DNAJC17: variants seen among roughly 807,000 people sequenced by gnomAD.
DNAJC17 encodes the protein DnaJ heat shock protein family (Hsp40) member C17, also known as dnaJ homolog subfamily C member 17.
A neutral mutation model predicts 48.1 loss-of-function variants in DNAJC17; 35 were observed. That is an observed-to-expected ratio of 0.73 (90% confidence interval 0.56 to 0.96). The LOEUF (loss-of-function observed/expected upper bound fraction) is 0.96. Ranked by LOEUF, DNAJC17 falls within the 50% of genes least tolerant of loss-of-function variation. The probability of loss-of-function intolerance (pLI) is 0.00; values close to 1 mark genes in which losing one functional copy is unlikely to be tolerated. For synonymous variants in DNAJC17, 117 were observed against 142.7 expected (o/e 0.82, Z 1.28); for missense variants, 355 against 377.1 (o/e 0.94, Z 0.48).
At position 40,767,971 on chromosome 15, in the gene DNAJC17, T is replaced by G. The variant is rs1191389353; in HGVS notation, c.884A>C (p.Gln295Pro). 5 of 1,612,962 alleles carry G rather than the reference T, an allele frequency of 3.1e-6. No individual in the cohort carries two copies. Among genetic ancestry groups the G allele is most frequent in the Non-Finnish European group, 4.2e-6 (5 of 1,179,666 alleles). The change falls in exon 11 of 11, where the codon CAG becomes CCG. Residue 295 changes from glutamine (Q) to proline (P), a missense_variant. This residue lies in a region of DNAJC17 where 88 missense variants were observed against 67.7 expected (regional missense o/e 1.30). Coordinates refer to ENST00000220496, the MANE Select transcript of DNAJC17 (RefSeq NM_018163.3). ...AERQQLIARM[Q>P]QEDQEGPPT ...AGGCGGCCCCTCCTGGTCTTCCTGC[T>G]GCATCCGTGCGATCAGCTGTTGCCG...
Position 40,788,733 on chromosome 15 carries a change from G to T in DNAJC17, c.79-8736C>A, listed in dbSNP as rs370711378. 1.1e-4 allele frequency among the ~76,000 whole-genome samples: 17 copies of T among 151,992 alleles called. No individual in the cohort carries two copies. In the East Asian group the frequency reaches 2.9e-3, roughly 26 times the overall value. On this transcript the variant is annotated intron_variant, in intron 1 of 10. Transcript: ENST00000220496. ...AAAAAATTTTTTTTTAAATGAGCCA[G>T]GCATGGTGGCATGCACCTGTAGTCC...
At chr15:40,806,465 C>A (rs947833898) in intron 1 of DNAJC17, among the ~76,000 whole-genome samples, 1 of 152,012 alleles carries the variant, frequency 6.6e-6, no homozygotes, top group Non-Finnish European at 1.5e-5. Flanking sequence ...GATCCGCCCG[C>A]CTCGGCCTCC....
At position 40,789,903 on chromosome 15, in the gene DNAJC17, C is replaced by CAAAAAAA. The variant is rs71428311; in HGVS notation, c.79-9913_79-9907dup. ...CCTGGGAGACAGAGACAGACTGTCT[C>CAAAAAAA]AAAAAAAAAAAAAAAAAAAAAAAAA... is the stretch of plus-strand genomic sequence containing the variant. On this transcript the variant is annotated intron_variant, in intron 1 of 10. Coordinates refer to ENST00000220496, the MANE Select transcript of DNAJC17 (RefSeq NM_018163.3). Among the ~76,000 whole-genome samples, 121 of 20,022 alleles carry CAAAAAAA rather than the reference C, an allele frequency of 6.0e-3. 8 individuals carry two copies. Among genetic ancestry groups the CAAAAAAA allele is most frequent in the African/African-American group, 0.01 (56 of 5,548 alleles). The allele number at this position is 20,022 out of a possible 152,430, so 13.1% of individuals were successfully genotyped here. A position where few individuals can be genotyped will look rare whatever the true frequency, so the allele number is the denominator to read the frequency against.
Position 40,765,949 on chromosome 15 carries a change from C to T in DNAJC17, c.*1991G>A. ...AAGTAGCAGCCTCCCTCAGTATCCT[C>T]TCCCTGCCAGCCCCTAGACCTGCCT... On this transcript the variant is annotated 3_prime_UTR_variant, in exon 11 of 11. Coordinates refer to ENST00000220496, the MANE Select transcript of DNAJC17 (RefSeq NM_018163.3). The T allele has an allele frequency of 8.0e-7, 1 of 1,249,566 alleles. No individual in the cohort carries two copies. The highest frequency in any genetic ancestry group is 1.9e-5 in the Admixed American group (1 of 52,462). The allele number at this position is 1,249,566 out of a possible 1,614,324, so 77.4% of individuals were successfully genotyped here.
At position 40,802,628 on chromosome 15, in the gene DNAJC17, G is replaced by A. The variant is rs539553455; in HGVS notation, c.78+4741C>T. Among the ~76,000 whole-genome samples the A allele has an allele frequency of 2.0e-4, 30 of 152,062 alleles. 1 individual carries two copies. The highest frequency in any genetic ancestry group is 8.5e-4 in the Admixed American group (13 of 15,254). The stretch of plus-strand genomic sequence containing the variant: ...ACTACCACTGAACCGCGCTGGACAG[G>A]GCCAGGGAGCCTTAGCAGAAGGAGC... On this transcript the variant is annotated intron_variant, in intron 1 of 10. Coordinates refer to ENST00000220496, the MANE Select transcript of DNAJC17 (RefSeq NM_018163.3).
At chr15:40,784,310 C>A (rs1046032651) in intron 1 of DNAJC17, among the ~76,000 whole-genome samples, 1 of 151,174 alleles carries the variant, frequency 6.6e-6, no homozygotes, top group Admixed American at 6.6e-5. Flanking sequence ...TGAGAGAATG[C>A]TTTCTGAATT....
In DNAJC17 at chr15:40,775,022, A is replaced by G; in HGVS notation, c.600+9T>C. 6.2e-7 allele frequency: 1 copy of G among 1,614,116 alleles called. No homozygotes were observed. Among genetic ancestry groups the G allele is most frequent in the African/African-American group, 1.3e-5 (1 of 75,038 alleles). ...ATGATAGGAAAGAGTGGACGTCAAC[A>G]GGGCCGACCTTCTGCAAAAGCCGTA... is the stretch of plus-strand genomic sequence containing the variant. On this transcript the variant is annotated intron_variant, in intron 8 of 10. Coordinates refer to ENST00000220496, the MANE Select transcript of DNAJC17 (RefSeq NM_018163.3).
chr15:40,803,405 G>A (rs559419102), intron 1 of DNAJC17, among the ~76,000 whole-genome samples: 15 of 152,356 alleles, frequency 9.8e-5, no homozygotes, highest in Non-Finnish European at 2.2e-4. Flanking sequence ...ACCAAAAAGT[G>A]TGTTGCCATG....
chr15:40,793,798 C>A (rs550289739), intron 1 of DNAJC17, among the ~76,000 whole-genome samples: 5 of 152,056 alleles, frequency 3.3e-5, no homozygotes, highest in African/African-American at 1.2e-4. Flanking sequence ...CAAAACAATG[C>A]GATCAAGGAC....
At position 40,767,238 on chromosome 15, in the gene DNAJC17, C is replaced by T. The variant is rs139599649; in HGVS notation, c.*702G>A. 1.1e-4 allele frequency: 175 copies of T among 1,564,150 alleles called. No individual in the cohort carries two copies. Among genetic ancestry groups the T allele is most frequent in the African/African-American group, 3.5e-4 (25 of 72,108 alleles). On this transcript the variant is annotated 3_prime_UTR_variant, in exon 11 of 11. Coordinates refer to ENST00000220496, the MANE Select transcript of DNAJC17 (RefSeq NM_018163.3). ...TGTCTCTTTGCAGTTATGAATACTACGTCGATGACCCTCCCCGCATAGTCC... is the reference window on the plus strand; with the variant it reads ...TGTCTCTTTGCAGTTATGAATACTATGTCGATGACCCTCCCCGCATAGTCC...
chr15:40,779,333 G>C (rs1889414778), intron 3 of DNAJC17, 23 bp from the exon 4 acceptor site: 1 of 1,612,802 alleles, frequency 6.2e-7, no homozygotes, highest in African/African-American at 1.3e-5. Context: ...AGGGGCACAG[G>C]GCAGAGGGTC....
At chr15:40,777,647 G>A (rs953347953) in intron 4 of DNAJC17, among the ~76,000 whole-genome samples, 1 of 151,942 alleles carries the variant, frequency 6.6e-6, no homozygotes, top group African/African-American at 2.4e-5. Flanking sequence ...GAACCCAGGA[G>A]GCAGAGGTTG....
intron 1 of DNAJC17, among the ~76,000 whole-genome samples, chr15:40,783,965 G>A (rs1006120085): frequency 7.9e-5 from 12 of 152,100 alleles, no homozygotes; most frequent in East Asian, 1.9e-4. Flanking sequence ...GGTGGCTCAC[G>A]CCTGTAATCC....
chr15:40,790,390 A>C (rs984772033), intron 1 of DNAJC17, among the ~76,000 whole-genome samples: 2 of 152,084 alleles, frequency 1.3e-5, no homozygotes, highest in Non-Finnish European at 2.9e-5. Flanking sequence ...CCTGGCCAAC[A>C]TGGTGAAACC....
At chr15:40,784,418 A>T (rs1229596411) in intron 1 of DNAJC17, among the ~76,000 whole-genome samples, 1 of 152,146 alleles carries the variant, frequency 6.6e-6, no homozygotes, top group East Asian at 1.9e-4. Context: ...AGGAAAATAA[A>T]ATTATTCAAG....
At chr15:40,803,515 A>C (rs1463461859) in intron 1 of DNAJC17, among the ~76,000 whole-genome samples, 1 of 152,230 alleles carries the variant, frequency 6.6e-6, no homozygotes, top group Non-Finnish European at 1.5e-5. Flanking sequence ...TGAGGGTGCC[A>C]CCTACTTATG....
intron 1 of DNAJC17, among the ~76,000 whole-genome samples, chr15:40,803,228 T>A (rs190512611): frequency 6.6e-6 from 1 of 152,128 alleles, no homozygotes; most frequent in Non-Finnish European, 1.5e-5. Flanking sequence ...GAGGGCAAAT[T>A]GAGAACTCCT....
At chr15:40,781,169 A>AG (rs1321778122) in intron 1 of DNAJC17, among the ~76,000 whole-genome samples, 1 of 151,540 alleles carries the variant, frequency 6.6e-6, no homozygotes, top group Non-Finnish European at 1.5e-5. Context: ...AAAAAAAAAA[A>AG]AAAAAGATTA....
Position 40,807,361 on chromosome 15 carries a change from G to T in DNAJC17, c.78+8C>A. The T allele has an allele frequency of 6.2e-7, 1 of 1,614,252 alleles. No homozygotes were observed. The highest frequency in any genetic ancestry group is 1.1e-5 in the South Asian group (1 of 91,088). Reference sequence around the variant, plus strand: ...CTCAAGATCAGCCTTCCTCGCCACCGTTCTCACCTCTTTGTCCGCTGCCTT... The same window carrying T: ...CTCAAGATCAGCCTTCCTCGCCACCTTTCTCACCTCTTTGTCCGCTGCCTT... On this transcript the variant is annotated splice_region_variant and intron_variant, in intron 1 of 10. Transcript: ENST00000220496.
Sources: allele counts gnomAD v4.1 joint callset (sites outside exome capture counted in the v4.1 genomes callset), GRCh38; gene constraint gnomAD v4.1.1; regional missense constraint gnomAD v4.1.1; transcripts MANE v1.5; gene names NCBI Gene and HGNC (gene_info 2026-07-23, HGNC 2026-07-21).